Variants in ZNF652 observed in about 807,000 individuals in gnomAD.
ZNF652 encodes the protein zinc finger protein 652.
In ZNF652, 16 loss-of-function variants were observed where a neutral mutation model predicts 45.2. The observed-to-expected ratio is 0.35, with a 90% CI of 0.24 to 0.54. ZNF652 has a LOEUF of 0.54. Ranked by LOEUF, ZNF652 falls within the 20% of genes least tolerant of loss-of-function variation. ZNF652 has a pLI of 0.91. For missense variants in ZNF652, 614 were observed against 765.6 expected, an observed-to-expected ratio of 0.80 and a Z score of 2.34; for synonymous variants, 250 against 260.6, an observed-to-expected ratio of 0.96 and a Z score of 0.39.
chr17:49,327,861 G>A (rs981207139), intron 1 of ZNF652, among the ~76,000 whole-genome samples: 8 of 139,578 alleles, frequency 5.7e-5, no homozygotes. Flanking sequence ...CATGTAATCT[G>A]CCTGCCTCGG....
chr17:49,317,601 T>C lies in ZNF652; in HGVS notation c.125A>G (p.Gln42Arg). ...CACTTTGGTGGACAGGTCAAGTTCT[T>C]GGTTGGCACCATGATAAAAGGAAGA... ...VPSSFYHGAN[Q>R]ELDLSTKVYK... Residue 42 changes from glutamine (Q) to arginine (R), a missense_variant, in exon 2 of 6, where the codon CAA (glutamine) becomes CGA (arginine). Coordinates refer to ENST00000430262, the MANE Select transcript of ZNF652 (RefSeq NM_001145365.3). 2 of 1,614,152 alleles carry C rather than the reference T, an allele frequency of 1.2e-6. No individual in the cohort carries two copies. Among genetic ancestry groups the C allele is most frequent in the South Asian group, 1.1e-5 (1 of 91,086 alleles).
At chr17:49,342,045 G>C (rs2070153219) in intron 1 of ZNF652, among the ~76,000 whole-genome samples, 1 of 152,064 alleles carries the variant, frequency 6.6e-6, no homozygotes, top group Admixed American at 6.6e-5. Flanking sequence ...AATTAGCCGG[G>C]CATGGTGGCA....
intron 2 of ZNF652, among the ~76,000 whole-genome samples, chr17:49,315,978 A>G (rs528249755): frequency 2.0e-5 from 3 of 152,372 alleles, no homozygotes; most frequent in South Asian, 2.1e-4. Context: ...TTTATCCTTT[A>G]TAAGTTTAGC....
rs1272514906 is a variant in ZNF652 at position 49,302,358 on chromosome 17, G to GGCT, written c.1310-3437_1310-3435dup. Among the ~76,000 whole-genome samples the GGCT allele has an allele frequency of 2.1e-5, 3 of 145,448 alleles. No individual in the cohort carries two copies. In the Admixed American group the frequency reaches 2.1e-4, roughly 10 times the overall value. On this transcript the variant is annotated intron_variant, in intron 5 of 5. Transcript: ENST00000430262. Reference sequence around the variant, plus strand: ...GGCTGGAGTGCAGTGGTGCAATCTCGGCTCACTGCAACCTCTGCCTCCTGG... The same window carrying GGCT: ...GGCTGGAGTGCAGTGGTGCAATCTCGGCTGCTCACTGCAACCTCTGCCTCCTGG...
intron 1 of ZNF652, among the ~76,000 whole-genome samples, chr17:49,332,150 C>T (rs2070031942): frequency 6.6e-6 from 1 of 151,894 alleles, no homozygotes; most frequent in South Asian, 2.1e-4. Flanking sequence ...CACCTATAAT[C>T]CCAGCTACTT....
At position 49,335,993 on chromosome 17, in the gene ZNF652, C is replaced by G. The variant is rs532136661; in HGVS notation, c.-258-18010G>C. Among the ~76,000 whole-genome samples, 5 of 152,094 alleles carry G rather than the reference C, an allele frequency of 3.3e-5. No homozygotes were observed. The South Asian group carries it at 8.3e-4, about 25-fold the overall frequency. On this transcript the variant is annotated intron_variant, in intron 1 of 5. Transcript: ENST00000430262. ...AAGGATGTAGAAGAAATCCATGAAG[C>G]CTAAGACCTGTCATATCTATTGTTA...
At chr17:49,350,974 T>TACAC (rs1186420137) in intron 1 of ZNF652, among the ~76,000 whole-genome samples, 1 of 24,748 alleles carries the variant, frequency 4.0e-5, no homozygotes, top group Non-Finnish European at 9.2e-5. Context: ...TGTCTACATA[T>TACAC]ATATATATAT....
chr17:49,327,965 T>C (rs2069983812), intron 1 of ZNF652, among the ~76,000 whole-genome samples: 2 of 151,614 alleles, frequency 1.3e-5, no homozygotes, highest in African/African-American at 4.8e-5. Context: ...GCACAAACTC[T>C]GAAACCAGAC....
At chr17:49,341,142 T>C (rs968845161) in intron 1 of ZNF652, among the ~76,000 whole-genome samples, 1 of 151,414 alleles carries the variant, frequency 6.6e-6, no homozygotes, top group Admixed American at 6.6e-5. Context: ...ACCCAGGAGG[T>C]GGAGGTTGCA....
chr17:49,316,350 C>A (rs536029168), intron 2 of ZNF652, among the ~76,000 whole-genome samples: 6 of 152,310 alleles, frequency 3.9e-5, no homozygotes, highest in Admixed American at 1.3e-4. Context: ...TAAAAGCAAA[C>A]TCACTGCTGA....
intron 1 of ZNF652, among the ~76,000 whole-genome samples, chr17:49,345,160 A>C (rs2070190965): frequency 6.6e-6 from 1 of 151,638 alleles, no homozygotes; most frequent in Non-Finnish European, 1.5e-5. Flanking sequence ...ACTTTTTGGA[A>C]GGGGCAGTGA....
At chr17:49,352,629 T>C (rs536167313) in intron 1 of ZNF652, among the ~76,000 whole-genome samples, 1 of 152,342 alleles carries the variant, frequency 6.6e-6, no homozygotes, top group East Asian at 1.9e-4. Flanking sequence ...ATCCCCCTCC[T>C]AGGTATTTAC....
In ZNF652 at chr17:49,362,132, C is replaced by T. The variant is rs1478339410; in HGVS notation, c.-482G>A. On this transcript the variant is annotated 5_prime_UTR_variant, in exon 1 of 6. Transcript: ENST00000430262. ...CCGCCGCTCCGACGTCTCGCGACTC[C>T]CTTCCCAGCGCGCGAGGGCGAGCGG... is the stretch of plus-strand genomic sequence containing the variant. The T allele has an allele frequency of 6.6e-6, 1 of 150,610 alleles. No individual in the cohort carries two copies. Among genetic ancestry groups the T allele is most frequent in the Non-Finnish European group, 1.5e-5 (1 of 67,330 alleles). The allele number at this position is 150,610 out of a possible 1,614,324, so 9.3% of individuals were successfully genotyped here.
intron 1 of ZNF652, among the ~76,000 whole-genome samples, chr17:49,342,186 CAA>C (rs145479796): frequency 9.0e-5 from 10 of 110,912 alleles, no homozygotes; most frequent in Non-Finnish European, 1.3e-4. Context: ...GACTCAGTCT[CAA>C]AAAAAAAAAA....
intron 2 of ZNF652, among the ~76,000 whole-genome samples, chr17:49,315,605 C>T (rs759963759): frequency 6.6e-6 from 1 of 150,758 alleles, no homozygotes; most frequent in Non-Finnish European, 1.5e-5. Flanking sequence ...AGATCAAGAA[C>T]GCTTTCAGTA....
intron 1 of ZNF652, among the ~76,000 whole-genome samples, chr17:49,356,358 G>A (rs2070336320): frequency 2.1e-5 from 3 of 145,970 alleles, no homozygotes; most frequent in South Asian, 4.4e-4. Flanking sequence ...GAACCCGGGA[G>A]GCGGAGGCTG....
rs71144595 is a variant in ZNF652, at chr17:49,313,973, CAAAAAAAAAAAAAAAAAAAAA to C, written c.901-1149_901-1129del. ...GGCAACAAAGAGCGAAACTCCATCT[CAAAAAAAAAAAAAAAAAAAAA>C]AAAAAAAAAAAAAAAAAAAGAAAAG... On this transcript the variant is annotated intron_variant, in intron 2 of 5. Transcript: ENST00000430262. Among the ~76,000 whole-genome samples the C allele has an allele frequency of 3.3e-3, 76 of 22,872 alleles. No homozygotes were observed. In the East Asian group the frequency reaches 0.064, roughly 19 times the overall value. 15.0% of individuals were successfully genotyped at this position (22,872 alleles called of 152,430 possible). A position where few individuals can be genotyped will look rare whatever the true frequency, so the allele number is the denominator to read the frequency against.
chr17:49,293,763 G>A lies in ZNF652; in HGVS notation c.*4650C>T, dbSNP rs1013249535. Among the ~76,000 whole-genome samples, 5 of 149,934 alleles carry A rather than the reference G, an allele frequency of 3.3e-5. No homozygotes were observed. Among genetic ancestry groups the A allele is most frequent in the East Asian group, 3.9e-4 (2 of 5,128 alleles). ...CTTTACTTGCTCAATTTTATAGTCC[G>A]AAGAATTCCAAATGAGTTGATTTTT... On this transcript the variant is annotated 3_prime_UTR_variant, in exon 6 of 6. Transcript: ENST00000430262.
intron 3 of ZNF652, 117 bp from the exon 4 acceptor site, chr17:49,312,159 CTTTTTT>C (rs34553823): frequency 1.1e-3 from 152 of 138,974 alleles, no homozygotes; most frequent in South Asian, 2.3e-3. Context: ...ATTTGTGAGG[CTTTTTT>C]TTTTTTTTTT....
Sources: gnomAD v4.1 joint callset for allele counts (sites outside exome capture counted in the v4.1 genomes callset) on GRCh38, gnomAD v4.1.1 for gene constraint, MANE v1.5 for transcripts, NCBI Gene and HGNC (gene_info 2026-07-23, HGNC 2026-07-21) for gene names.